The following ZNF679 variants were observed in gnomAD, a reference collection of about 807,000 sequenced individuals.
The protein encoded by ZNF679 is zinc finger protein 679, also known as hypothetical protein MGC42415.
Under a neutral mutation model 13.4 loss-of-function variants are expected in ZNF679, and 10 were observed. The observed-to-expected ratio is 0.75, with a 90% CI of 0.46 to 1.27. ZNF679 has a LOEUF of 1.27. Ranked by LOEUF, ZNF679 falls within the 50% of genes most tolerant of loss-of-function variation. The pLI is 0.00. For synonymous variants in ZNF679, 179 were observed against 162.5 expected (o/e 1.10, Z -0.77); for missense variants, 525 against 477.8 (o/e 1.10, Z -0.92).
chr7:64,247,276 A>G (rs1181172641), intron 1 of ZNF679, among the ~76,000 whole-genome samples: 1 of 152,152 alleles, frequency 6.6e-6, no homozygotes, highest in South Asian at 2.1e-4. Context: ...GCCCGACCTC[A>G]TGGAAATGCA....
intron 2 of ZNF679, among the ~76,000 whole-genome samples, chr7:64,252,621 A>T (rs1248035513): frequency 6.6e-6 from 1 of 152,246 alleles, no homozygotes; most frequent in African/African-American, 2.4e-5. Flanking sequence ...AATGTGGTAG[A>T]TAACTGGGGA....
In ZNF679 at chr7:64,249,101, C is replaced by T; in HGVS notation, c.-17C>T. ...CAAGCCACTGTGGCCTTGTGTTCTG[C>T]AGGTATCCGCAGATTTATGGCTAAA... On this transcript the variant is annotated 5_prime_UTR_variant, in exon 2 of 5. Coordinates refer to ENST00000421025, the MANE Select transcript of ZNF679 (RefSeq NM_153363.3). The T allele has an allele frequency of 6.2e-7, 1 of 1,614,066 alleles. No homozygotes were observed. Among genetic ancestry groups the T allele is most frequent in the Non-Finnish European group, 8.5e-7 (1 of 1,179,984 alleles).
At chr7:64,254,702 T>C (rs1787981256) in intron 2 of ZNF679, among the ~76,000 whole-genome samples, 1 of 151,882 alleles carries the variant, frequency 6.6e-6, no homozygotes, top group Admixed American at 6.6e-5. Flanking sequence ...GTAAGGGCAA[T>C]ATGATGAGAC....
chr7:64,230,767 A>T (rs75251158), intron 1 of ZNF679, among the ~76,000 whole-genome samples: 5,443 of 152,278 alleles, frequency 0.036, 172 homozygotes, highest in East Asian at 0.16. Context: ...TAAACACTTG[A>T]GAGTTGGGTA....
chr7:64,236,918 GAAAGAAGA>G lies in ZNF679; in HGVS notation c.-91+8269_-91+8276del, dbSNP rs1452749885. Reference sequence around the variant, plus strand: ...AAAGAAAAAGAAAAAAAGAAAGAAAGAAAGAAGAAAGAAAGAAAGAAAGAAAGAAAGAA... The same window carrying G: ...AAAGAAAAAGAAAAAAAGAAAGAAAGAAGAAAGAAAGAAAGAAAGAAAGAA... On this transcript the variant is annotated intron_variant, in intron 1 of 4. Transcript: ENST00000421025. Among the ~76,000 whole-genome samples, 208 of 99,166 alleles carry G rather than the reference GAAAGAAGA, an allele frequency of 2.1e-3. 1 individual carries two copies. The highest frequency in any genetic ancestry group is 0.016 in the South Asian group (44 of 2,676). The allele number at this position is 99,166 out of a possible 152,430, so 65.1% of individuals were successfully genotyped here. A position where few individuals can be genotyped will look rare whatever the true frequency, so the allele number is the denominator to read the frequency against.
chr7:64,234,836 A>G (rs1029833193), intron 1 of ZNF679, among the ~76,000 whole-genome samples: 4 of 152,030 alleles, frequency 2.6e-5, no homozygotes, highest in Non-Finnish European at 5.9e-5. Context: ...TAGGGGACTC[A>G]TATAATATAC....
At chr7:64,261,529 T>C (rs1325293627) in intron 4 of ZNF679, among the ~76,000 whole-genome samples, 3 of 152,130 alleles carry the variant, frequency 2.0e-5, no homozygotes, top group Non-Finnish European at 4.4e-5. Context: ...GTTGCATATT[T>C]TAGATATAGA....
chr7:64,252,860 G>A (rs1335691537), intron 2 of ZNF679, among the ~76,000 whole-genome samples: 1 of 152,218 alleles, frequency 6.6e-6, no homozygotes, highest in Non-Finnish European at 1.5e-5. Flanking sequence ...TGGGATTACA[G>A]GCACCTGCCG....
chr7:64,261,055 CA>C, intron 4 of ZNF679, 126 bp downstream of exon 4: 1 of 996,146 alleles, frequency 1.0e-6, no homozygotes, highest in South Asian at 1.7e-5. Context: ...AAGCCCGAGT[CA>C]TTTTTTTTTC....
intron 4 of ZNF679, among the ~76,000 whole-genome samples, chr7:64,264,091 T>G (rs988838771): frequency 1.2e-4 from 18 of 152,086 alleles, no homozygotes; most frequent in Admixed American, 5.2e-4. Context: ...TAGTTATAGA[T>G]TCCTAGTAAA....
intron 2 of ZNF679, among the ~76,000 whole-genome samples, chr7:64,252,707 C>T (rs1787958290): frequency 6.6e-6 from 1 of 152,146 alleles, no homozygotes; most frequent in South Asian, 2.1e-4. Flanking sequence ...TGTTCTACAT[C>T]CTGTTATCTT....
chr7:64,231,837 G>A (rs2116504766), intron 1 of ZNF679, among the ~76,000 whole-genome samples: 1 of 152,310 alleles, frequency 6.6e-6, no homozygotes, highest in African/African-American at 2.4e-5. Context: ...AAAGCAGTCA[G>A]GTGCTAGGCA....
intron 2 of ZNF679, among the ~76,000 whole-genome samples, chr7:64,257,134 T>C (rs1184046952): frequency 1.3e-5 from 2 of 152,226 alleles, no homozygotes; most frequent in African/African-American, 2.4e-5. Flanking sequence ...TATTTGAAGT[T>C]AGTTTGCTCT....
intron 2 of ZNF679, among the ~76,000 whole-genome samples, chr7:64,252,110 A>G (rs1787951332): frequency 6.6e-6 from 1 of 152,158 alleles, no homozygotes; most frequent in South Asian, 2.1e-4. Flanking sequence ...GCACCTGGGG[A>G]ACTCACCAAG....
At chr7:64,247,605 T>C (rs1305848877) in intron 1 of ZNF679, among the ~76,000 whole-genome samples, 3 of 152,170 alleles carry the variant, frequency 2.0e-5, no homozygotes, top group Non-Finnish European at 4.4e-5. Context: ...CCAGGCTATA[T>C]TGCGGTGGCA....
chr7:64,262,581 C>T (rs1037219642), intron 4 of ZNF679, among the ~76,000 whole-genome samples: 13 of 152,184 alleles, frequency 8.5e-5, no homozygotes, highest in African/African-American at 3.1e-4. Context: ...ATATTTTCTC[C>T]ATTGTCTGCT....
At chr7:64,240,889 CCAACAGA>C (rs1172466464) in intron 1 of ZNF679, among the ~76,000 whole-genome samples, 7 of 152,218 alleles carry the variant, frequency 4.6e-5, no homozygotes, top group African/African-American at 1.7e-4. Context: ...CCAAATCTCA[CCAACAGA>C]CTGTGTTTTG....
intron 2 of ZNF679, among the ~76,000 whole-genome samples, chr7:64,254,147 CAA>C (rs55704076): frequency 0.3 from 45,331 of 150,130 alleles, 7,991 homozygotes; most frequent in East Asian, 0.65. Context: ...TTTTTTGAGA[CAA>C]AGTCTTGCTC....
chr7:64,248,062 T>C (rs773944095), intron 1 of ZNF679, among the ~76,000 whole-genome samples: 2 of 152,102 alleles, frequency 1.3e-5, no homozygotes, highest in Non-Finnish European at 2.9e-5. Context: ...TCTACATGGC[T>C]GAGGAATCCT....
Sources: allele counts gnomAD v4.1 joint callset (sites outside exome capture counted in the v4.1 genomes callset), GRCh38; gene constraint gnomAD v4.1.1; transcripts MANE v1.5; gene names NCBI Gene and HGNC (gene_info 2026-07-23, HGNC 2026-07-21).